The following CACNA1F variants were observed in gnomAD, a reference collection of about 807,000 sequenced individuals.
The protein encoded by CACNA1F is calcium voltage-gated channel subunit alpha1 F.
Under a neutral mutation model 143.8 loss-of-function variants are expected in CACNA1F, and 59 were observed. The observed-to-expected ratio is 0.41, with a 90% CI of 0.33 to 0.51. CACNA1F has a LOEUF of 0.51. Ranked by LOEUF, CACNA1F falls within the 20% of genes least tolerant of loss-of-function variation. The pLI is 0.22. For synonymous variants in CACNA1F, 643 were observed against 649.1 expected (o/e 0.99, Z 0.14); for missense variants, 1,411 against 1,647.5 (o/e 0.86, Z 2.48).
Position 49,218,619 on chromosome X carries a change from T to G in CACNA1F, c.2840+10A>C. 1 of 1,189,044 alleles carries G rather than the reference T, an allele frequency of 8.4e-7. No individual in the cohort carries two copies. Among genetic ancestry groups the G allele is most frequent in the Middle Eastern group, 2.3e-4 (1 of 4,300 alleles). On this transcript the variant is annotated intron_variant, in intron 23 of 47. Coordinates refer to ENST00000323022, the MANE Select transcript of CACNA1F (RefSeq NM_001256789.3). ...AGAGGAATGGGGTGGGCTGGGGATC[T>G]GTCACTTACTGGATGCCAAAGGAGA...
At chrX:49,217,200 C>T (rs991844359) in intron 26 of CACNA1F, among the ~76,000 whole-genome samples, 2 of 112,785 alleles carry the variant, frequency 1.8e-5, no homozygotes, top group African/African-American at 6.4e-5. Flanking sequence ...CTCAGGTGAT[C>T]TGCCTGCCTT....
At chrX:49,217,123 T>C (rs2065725341) in intron 26 of CACNA1F, among the ~76,000 whole-genome samples, 2 of 111,667 alleles carry the variant, frequency 1.8e-5, no homozygotes, top group East Asian at 5.6e-4. Context: ...CAAGCCCAGC[T>C]AATTTTTGTA....
intron 6 of CACNA1F, among the ~76,000 whole-genome samples, chrX:49,229,902 G>A (rs941281539): frequency 1.2e-4 from 13 of 112,068 alleles, no homozygotes; most frequent in Non-Finnish European, 2.1e-4. Context: ...CGCCCGCCTC[G>A]GCCTCCCAAA....
chrX:49,207,508 G>A (rs1027725959), intron 43 of CACNA1F, among the ~76,000 whole-genome samples: 3 of 111,224 alleles, frequency 2.7e-5, no homozygotes. Flanking sequence ...TCAGCTCACT[G>A]CAGCCTCAAC....
At chrX:49,210,183 C>T in intron 39 of CACNA1F, 118 bp downstream of exon 39, 1 of 676,942 alleles carries the variant, frequency 1.5e-6, no homozygotes, top group Non-Finnish European at 2.4e-6. Context: ...GGGAAACAGG[C>T]CTGGAGAATC....
chrX:49,215,000 C>T (rs782639732), intron 29 of CACNA1F, 86 bp downstream of exon 29: 2 of 910,421 alleles, frequency 2.2e-6, no homozygotes, highest in Middle Eastern at 2.6e-4. Context: ...TTATTTGCAG[C>T]CTTAAATGTT....
Position 49,211,426 on chromosome X carries a change from G to A in CACNA1F, c.4156C>T (p.Arg1386Trp), listed in dbSNP as rs782428223. The change falls in exon 36 of 48, where the codon CGG (arginine) becomes TGG (tryptophan). Residue 1386 changes from arginine (R) to tryptophan (W), a missense_variant. Around this residue, in one of 3 missense-constraint regions of CACNA1F, gnomAD observed 112 missense variants for 169.2 expected, o/e 0.66. Transcript: ENST00000323022. ...CCGAAGTCAGACTCAGGATCACACC[G>A]ATTTCCGGGAAGGCTGGCAAGCATT... ...EIMLASLPGN[R>W]CDPESDFGPG... is the part of the protein sequence containing the mutation. The A allele has an allele frequency of 8.3e-6, 10 of 1,208,195 alleles. No individual in the cohort carries two copies. In the African/African-American group the frequency reaches 1.1e-4, roughly 13 times the overall value.
Position 49,230,113 on chromosome X carries a change from C to T in CACNA1F, c.817+107G>A, listed in dbSNP as rs782589009. ...GGTTATCTGGGGATGGAACCTGAGC[C>T]TGGGGGCCGAATCTTGTGCATTTCA... On this transcript the variant is annotated intron_variant, in intron 6 of 47. Transcript: ENST00000323022. The T allele has an allele frequency of 8.5e-5, 60 of 704,856 alleles. No individual in the cohort carries two copies. The African/African-American group carries it at 1.0e-3, about 12-fold the overall frequency. The allele number at this position is 704,856 out of a possible 1,213,427, so 58.1% of individuals were successfully genotyped here. A position where few individuals can be genotyped will look rare whatever the true frequency, so the allele number is the denominator to read the frequency against.
intron 19 of CACNA1F, among the ~76,000 whole-genome samples, chrX:49,220,165 A>C (rs1557108502): frequency 9.0e-6 from 1 of 111,692 alleles, no homozygotes; most frequent in South Asian, 3.8e-4. Context: ...GCAACCTTGA[A>C]CTTCTGGGCT....
intron 18 of CACNA1F, 92 bp downstream of exon 18, chrX:49,220,938 CAAAAT>C: frequency 1.3e-6 from 1 of 779,117 alleles, no homozygotes; most frequent in Non-Finnish European, 2.0e-6. Context: ...GACTCTATCT[CAAAAT>C]AAAACAACAA....
intron 14 of CACNA1F, among the ~76,000 whole-genome samples, chrX:49,223,390 G>A (rs2065792093): frequency 9.2e-6 from 1 of 108,991 alleles, no homozygotes; most frequent in Admixed American, 9.9e-5. Context: ...GGGTCATGAG[G>A]TCAGGAGACT....
At chrX:49,214,030 G>T in intron 30 of CACNA1F, 128 bp from the exon 31 acceptor site, 1 of 634,178 alleles carries the variant, frequency 1.6e-6, no homozygotes, top group Non-Finnish European at 2.6e-6. Flanking sequence ...GCCTGCACCT[G>T]AGTCCCTCTC....
intron 35 of CACNA1F, 72 bp downstream of exon 35, chrX:49,211,826 G>T: frequency 1.2e-6 from 1 of 821,323 alleles, no homozygotes; most frequent in Non-Finnish European, 1.9e-6. Flanking sequence ...CATAGCTCAA[G>T]CAGTCTGGGG....
chrX:49,214,734 C>T lies in CACNA1F; in HGVS notation c.3597+352G>A, dbSNP rs903459054. Reference sequence around the variant, plus strand: ...AATGAACAAACAGCCTACCTCTGCACTTCTCAATACATGAGGTAATTACCA... The same window carrying T: ...AATGAACAAACAGCCTACCTCTGCATTTCTCAATACATGAGGTAATTACCA... On this transcript the variant is annotated intron_variant, in intron 29 of 47. Transcript: ENST00000323022. 1.3e-4 allele frequency among the ~76,000 whole-genome samples: 14 copies of T among 111,906 alleles called. No individual in the cohort carries two copies. The Admixed American group carries it at 1.3e-3, about 11-fold the overall frequency.
chrX:49,215,931 C>T (rs2065711115), intron 27 of CACNA1F, among the ~76,000 whole-genome samples: 2 of 108,632 alleles, frequency 1.8e-5, no homozygotes, highest in African/African-American at 6.7e-5. Flanking sequence ...GTAAATTTAT[C>T]CCTGTCCCAT....
chrX:49,233,193 C>A, intron 1 of CACNA1F, 92 bp downstream of exon 1: 2 of 912,999 alleles, frequency 2.2e-6, no homozygotes, highest in Non-Finnish European at 3.1e-6. Context: ...CCCCTAGAGG[C>A]TCTCTGGGGG....
In CACNA1F at chrX:49,213,867, A is replaced by T; in HGVS notation, c.3744T>A (p.Ala1248=). 8.3e-7 allele frequency: 1 copy of T among 1,204,344 alleles called. No homozygotes were observed. Residue 1248 remains alanine, a synonymous_variant, in exon 31 of 48, where the codon GCT becomes GCA. Transcript: ENST00000323022. The stretch of plus-strand genomic sequence containing the variant: ...CCACTATGCTGCCCACCACAATAAG[A>T]GCGTCAAACGTGTTCCAGGCATCAG... The part of the protein sequence containing the change: ...YFTDAWNTFD[A]LIVVGSIVDI...
chrX:49,214,976 T>C, intron 29 of CACNA1F, 110 bp downstream of exon 29: 1 of 691,726 alleles, frequency 1.4e-6, no homozygotes, highest in South Asian at 2.2e-5. Flanking sequence ...TGCTGTTAGT[T>C]GGCAGGGGGT....
chrX:49,225,030 T>C, intron 13 of CACNA1F, 44 bp from the exon 14 acceptor site: 1 of 907,069 alleles, frequency 1.1e-6, no homozygotes, highest in Non-Finnish European at 1.6e-6. Flanking sequence ...CCAGTTTCTG[T>C]GGTGACATGT....
Sources: allele counts gnomAD v4.1 joint callset (sites outside exome capture counted in the v4.1 genomes callset), GRCh38; gene constraint gnomAD v4.1.1; regional missense constraint gnomAD v4.1.1; transcripts MANE v1.5; gene names NCBI Gene and HGNC (gene_info 2026-07-23, HGNC 2026-07-21).